OR2A7: variants seen among roughly 807,000 people sequenced by gnomAD.
OR2A7 encodes olfactory receptor family 2 subfamily A member 7.
For missense variants in OR2A7, 35 were observed against 359.2 expected (o/e 0.10, Z 7.30); for synonymous variants, 10 against 147.1 (o/e 0.07, Z 6.74).
intron 1 of OR2A7, among the ~76,000 whole-genome samples, chr7:144,264,235 C>A (rs2052675159): frequency 6.6e-6 from 1 of 152,018 alleles, no homozygotes; most frequent in African/African-American, 2.4e-5. Context: ...ATTTACTACA[C>A]TCTACTAAAC....
chr7:144,261,919 C>T (rs1369528030), intron 1 of OR2A7, among the ~76,000 whole-genome samples: 28 of 151,932 alleles, frequency 1.8e-4, no homozygotes, highest in African/African-American at 3.9e-4. Context: ...AAAAGGCAAA[C>T]ATTTCTACAG....
Position 144,258,488 on chromosome 7 carries a change from G to A in OR2A7, c.*208C>T. On this transcript the variant is annotated 3_prime_UTR_variant, in exon 2 of 2. Coordinates refer to ENST00000641841, the MANE Select transcript of OR2A7 (RefSeq NM_001005328.2). ...GTGTGGAGTGGCTGCAGCACAACTTGAAGAGATCAATTTCTAGAATTTCAT... is the reference window on the plus strand; with the variant it reads ...GTGTGGAGTGGCTGCAGCACAACTTAAAGAGATCAATTTCTAGAATTTCAT... 2 of 402,254 alleles carry A rather than the reference G, an allele frequency of 5.0e-6. No homozygotes were observed. Among genetic ancestry groups the A allele is most frequent in the East Asian group, 3.4e-5 (1 of 29,442 alleles). The allele number at this position is 402,254 out of a possible 1,614,324, so 24.9% of individuals were successfully genotyped here. A position where few individuals can be genotyped will look rare whatever the true frequency, so the allele number is the denominator to read the frequency against.
At chr7:144,264,405 G>A (rs1350304125) in intron 1 of OR2A7, among the ~76,000 whole-genome samples, 1 of 151,086 alleles carries the variant, frequency 6.6e-6, no homozygotes, top group African/African-American at 2.4e-5. Flanking sequence ...GATTATAGGT[G>A]TGCAACATCA....
intron 1 of OR2A7, among the ~76,000 whole-genome samples, chr7:144,260,935 AT>A (rs2052637361): frequency 6.7e-6 from 1 of 148,540 alleles, no homozygotes; most frequent in South Asian, 2.1e-4. Context: ...AAATGTTAGC[AT>A]AAGCATGATA....
chr7:144,260,513 G>C (rs1210260355), intron 1 of OR2A7, among the ~76,000 whole-genome samples: 2 of 151,676 alleles, frequency 1.3e-5, no homozygotes, highest in African/African-American at 2.4e-5. Flanking sequence ...ACTAAGGTTC[G>C]ACATACCATC....
Position 144,258,829 on chromosome 7 carries a change from T to G in OR2A7, c.800A>C (p.Lys267Thr), listed in dbSNP as rs1414300550. The change falls in exon 2 of 2, where the codon AAG (lysine) becomes ACG (threonine). Residue 267 changes from lysine to threonine, a missense_variant. Transcript: ENST00000641841. The stretch of plus-strand genomic sequence containing the variant: ...CAGCAGGAGATATTTCTTCTGCTCC[T>G]TGGGGTTCCCATATCTGGGTCCAAC... ...MYVGPRYGNP[K>T]EQKKYLLLFH... 6.2e-7 allele frequency: 1 copy of G among 1,613,296 alleles called. No homozygotes were observed. The highest frequency in any genetic ancestry group is 1.7e-5 in the Admixed American group (1 of 59,682).
chr7:144,264,457 C>T (rs2052678851), intron 1 of OR2A7, among the ~76,000 whole-genome samples: 1 of 151,920 alleles, frequency 6.6e-6, no homozygotes, highest in South Asian at 2.1e-4. Context: ...GATGGGGTTT[C>T]ACCATGTTGG....
At chr7:144,260,624 T>C (rs1199395117) in intron 1 of OR2A7, among the ~76,000 whole-genome samples, 1 of 151,982 alleles carries the variant, frequency 6.6e-6, no homozygotes, top group African/African-American at 2.4e-5. Flanking sequence ...CTTATCCAAG[T>C]GTAAAGACTT....
rs2052578759 is a variant in OR2A7 at position 144,257,788 on chromosome 7, A to G, written c.*908T>C. The G allele has an allele frequency of 6.6e-6, 1 of 151,144 alleles. No individual in the cohort carries two copies. Among genetic ancestry groups the G allele is most frequent in the Non-Finnish European group, 1.5e-5 (1 of 67,960 alleles). The allele number at this position is 151,144 out of a possible 1,614,324, so 9.4% of individuals were successfully genotyped here. ...GAAAACCCTGAATTAGAAAAATTAG[A>G]TTGATTTCATTCAGCGGCAAACACA... On this transcript the variant is annotated 3_prime_UTR_variant, in exon 2 of 2. Coordinates refer to ENST00000641841, the MANE Select transcript of OR2A7 (RefSeq NM_001005328.2).
intron 1 of OR2A7, 38 bp from the exon 2 acceptor site, chr7:144,259,670 G>GTTC (rs2052616348): frequency 6.5e-7 from 1 of 1,534,562 alleles, no homozygotes; most frequent in Non-Finnish European, 8.9e-7. Flanking sequence ...TCATGGTTTA[G>GTTC]GAGAAGTGTT....
intron 1 of OR2A7, among the ~76,000 whole-genome samples, chr7:144,264,224 C>T (rs1455144916): frequency 6.6e-6 from 1 of 152,034 alleles, no homozygotes; most frequent in Non-Finnish European, 1.5e-5. Context: ...TTTTACTATG[C>T]ATTTACTACA....
Position 144,259,096 on chromosome 7 carries a change from CA to C in OR2A7, c.532del (p.Cys178ValfsTer37), listed in dbSNP as rs749245232. 8 of 1,529,648 alleles carry C rather than the reference CA, an allele frequency of 5.2e-6. No homozygotes were observed. The highest frequency in any genetic ancestry group is 7.2e-6 in the Non-Finnish European group (8 of 1,113,408). The allele number at this position is 1,529,648 out of a possible 1,614,324, so 94.8% of individuals were successfully genotyped here. ...AAGTTTGAGAACAGCCAAGATTTCA[CA>C]AAAAAAGTGATAAATTTTCTGGGGC... is the stretch of plus-strand genomic sequence containing the variant. ...CRPQKIYHFF[C>X]EILAVLKLAC... On this transcript the variant is annotated frameshift_variant, in exon 2 of 2. Coordinates refer to ENST00000641841, the MANE Select transcript of OR2A7 (RefSeq NM_001005328.2). LOFTEE classifies it low-confidence loss of function (END_TRUNC).
chr7:144,262,231 G>A (rs1309476569), intron 1 of OR2A7, among the ~76,000 whole-genome samples: 4 of 151,490 alleles, frequency 2.6e-5, no homozygotes, highest in African/African-American at 9.7e-5. Flanking sequence ...AAGAGAATGA[G>A]ACTAAGGCAA....
chr7:144,260,081 C>T (rs1351762299), intron 1 of OR2A7, among the ~76,000 whole-genome samples: 1 of 114,218 alleles, frequency 8.8e-6, no homozygotes, highest in Non-Finnish European at 1.8e-5. Context: ...TGCATTCCAG[C>T]CTGGGTGACA....
At position 144,260,135 on chromosome 7, in the gene OR2A7, AG is replaced by A. The variant is rs71170629; in HGVS notation, c.-4-504del. 1.3e-4 allele frequency among the ~76,000 whole-genome samples: 16 copies of A among 126,636 alleles called. 1 individual carries two copies. The highest frequency in any genetic ancestry group is 7.1e-4 in the East Asian group (3 of 4,212). 83.1% of individuals were successfully genotyped at this position (126,636 alleles called of 152,430 possible). On this transcript the variant is annotated intron_variant, in intron 1 of 1. Coordinates refer to ENST00000641841, the MANE Select transcript of OR2A7 (RefSeq NM_001005328.2). ...AGAAAAAAAAAAAAAAAAAAAGAAA[AG>A]GAAAAAAAACGCATGCACACGTATA...
rs554010192 is a variant in OR2A7 at position 144,260,294 on chromosome 7, C to T, written c.-4-662G>A. Among the ~76,000 whole-genome samples the T allele has an allele frequency of 8.7e-5, 13 of 148,982 alleles. No individual in the cohort carries two copies. The East Asian group carries it at 2.3e-3, about 27-fold the overall frequency. ...GCTCAGGCCTTTCAGGGATGAATGT[C>T]ACATGTCAATGTAGTACACAGTTTT... On this transcript the variant is annotated intron_variant, in intron 1 of 1. Coordinates refer to ENST00000641841, the MANE Select transcript of OR2A7 (RefSeq NM_001005328.2).
At chr7:144,260,721 C>T (rs1394918298) in intron 1 of OR2A7, among the ~76,000 whole-genome samples, 1 of 151,914 alleles carries the variant, frequency 6.6e-6, no homozygotes, top group Non-Finnish European at 1.5e-5. Context: ...AATAGATTTG[C>T]ACCGTGTCAT....
intron 1 of OR2A7, among the ~76,000 whole-genome samples, chr7:144,260,231 T>C (rs2052626569): frequency 7.0e-6 from 1 of 142,650 alleles, no homozygotes; most frequent in Non-Finnish European, 1.6e-5. Flanking sequence ...GTGTCACATA[T>C]TAATATATCC....
At chr7:144,261,478 A>C (rs1420347632) in intron 1 of OR2A7, among the ~76,000 whole-genome samples, 23 of 151,566 alleles carry the variant, frequency 1.5e-4, no homozygotes, top group African/African-American at 5.6e-4. Context: ...TCTTTTAAAA[A>C]ATTTTTAAAA....
Sources: gnomAD v4.1 joint callset for allele counts (sites outside exome capture counted in the v4.1 genomes callset) on GRCh38, gnomAD v4.1.1 for gene constraint, MANE v1.5 for transcripts, NCBI Gene and HGNC (gene_info 2026-07-23, HGNC 2026-07-21) for gene names.